MSH3: variants seen among roughly 807,000 people sequenced by gnomAD.
MSH3 encodes the protein DNA mismatch repair protein Msh3.
In MSH3, 106 loss-of-function variants were observed where a neutral mutation model predicts 123.3. The ratio of observed to expected loss-of-function variants is 0.86; its 90% confidence interval spans 0.73 to 1.01. The LOEUF is 1.01. MSH3 is among the 50% of genes least tolerant of loss of function. MSH3 has a pLI of 0.00. For missense variants in MSH3, 1,459 were observed against 1,347.6 expected (o/e 1.08, Z -1.29); for synonymous variants, 515 against 481.4 (o/e 1.07, Z -0.91).
At chr5:80,686,312 CT>C (rs1173364482) in intron 8 of MSH3, among the ~76,000 whole-genome samples, 1 of 151,620 alleles carries the variant, frequency 6.6e-6, no homozygotes, top group Non-Finnish European at 1.5e-5. Context: ...TTTTCTCTCT[CT>C]TTTTTTTGAG....
At chr5:80,843,778 A>T (rs1325169167) in intron 20 of MSH3, among the ~76,000 whole-genome samples, 1 of 151,922 alleles carries the variant, frequency 6.6e-6, no homozygotes, top group Non-Finnish European at 1.5e-5. Flanking sequence ...TATTGCGTCT[A>T]TCTGATTCTT....
intron 2 of MSH3, among the ~76,000 whole-genome samples, chr5:80,661,420 T>C (rs1025925280): frequency 2.0e-5 from 3 of 152,226 alleles, no homozygotes; most frequent in African/African-American, 7.2e-5. Context: ...TTTTCTGCTA[T>C]GTCTAATCTG....
At chr5:80,701,417 GC>G (rs1316139295) in intron 8 of MSH3, among the ~76,000 whole-genome samples, 6 of 152,176 alleles carry the variant, frequency 3.9e-5, no homozygotes, top group Non-Finnish European at 4.4e-5. Context: ...AAGTGGCAAA[GC>G]CCACTAGAGC....
chr5:80,733,503 TC>T (rs1415397760), intron 10 of MSH3, among the ~76,000 whole-genome samples: 6 of 152,054 alleles, frequency 3.9e-5, no homozygotes, highest in Non-Finnish European at 8.8e-5. Flanking sequence ...AAGCTTTTAT[TC>T]TTCAAAGAAC....
At chr5:80,766,332 T>G (rs1043984517) in intron 13 of MSH3, among the ~76,000 whole-genome samples, 1 of 149,310 alleles carries the variant, frequency 6.7e-6, no homozygotes, top group African/African-American at 2.5e-5. Flanking sequence ...TCTAGTGTGT[T>G]TTTTTCCTTT....
chr5:80,692,733 C>T (rs931150883), intron 8 of MSH3, among the ~76,000 whole-genome samples: 3 of 135,764 alleles, frequency 2.2e-5, no homozygotes, highest in Admixed American at 7.3e-5. Flanking sequence ...GATAAATATA[C>T]ATACACATGT....
In MSH3 at chr5:80,792,751, A is replaced by C; in HGVS notation, c.2562A>C (p.Glu854Asp). 6.2e-7 allele frequency: 1 copy of C among 1,612,178 alleles called. No homozygotes were observed. The highest frequency in any genetic ancestry group is 8.5e-7 in the Non-Finnish European group (1 of 1,178,468). ...GDYCRPTVQE[E>D]RKIVIKNGRH... ...TTTGCAGACCAACTGTACAAGAAGAAAGAAAAATTGTAATAAAAAATGGAA... is the reference window on the plus strand; with the variant it reads ...TTTGCAGACCAACTGTACAAGAAGACAGAAAAATTGTAATAAAAAATGGAA... Residue 854 changes from glutamate (E) to aspartate (D), a missense_variant, in exon 19 of 24, where the codon GAA becomes GAC. By Grantham distance (45) the Glu-to-Asp change is conservative. Transcript: ENST00000265081.
rs1192783960 is a variant in MSH3, at chr5:80,784,212, C to CAAAAAAA, written c.2436-3332_2436-3326dup. 2.3e-3 allele frequency among the ~76,000 whole-genome samples: 28 copies of CAAAAAAA among 11,962 alleles called. 4 individuals carry two copies. The highest frequency in any genetic ancestry group is 0.018 in the East Asian group (10 of 550). The allele number at this position is 11,962 out of a possible 152,430, so 7.8% of individuals were successfully genotyped here. On this transcript the variant is annotated intron_variant, in intron 17 of 23. Coordinates refer to ENST00000265081, the MANE Select transcript of MSH3 (RefSeq NM_002439.5). ...GCGAAAGAGCGAGACTACTACGTCG[C>CAAAAAAA]AAAAAAAAAAAAAAAAAAAAAAAAA...
intron 8 of MSH3, among the ~76,000 whole-genome samples, chr5:80,696,112 C>G (rs1181185996): frequency 1.3e-5 from 2 of 152,162 alleles, no homozygotes; most frequent in African/African-American, 4.8e-5. Flanking sequence ...CATGTGGCCT[C>G]CACTGGGCCT....
At chr5:80,873,084 C>T (rs770517890) in intron 22 of MSH3, 32 bp from the exon 23 acceptor site, 1 of 1,591,616 alleles carries the variant, frequency 6.3e-7, no homozygotes, top group East Asian at 2.2e-5. Flanking sequence ...AGCTTTCAGG[C>T]ACAGTTTTGA....
intron 21 of MSH3, among the ~76,000 whole-genome samples, chr5:80,856,539 T>C (rs1405942989): frequency 9.9e-6 from 1 of 101,210 alleles, no homozygotes; most frequent in Admixed American, 1.5e-4. Flanking sequence ...CATCACAAAC[T>C]GGGGCCTGTT....
intron 8 of MSH3, among the ~76,000 whole-genome samples, chr5:80,719,567 A>G (rs1429356570): frequency 6.6e-6 from 1 of 152,200 alleles, no homozygotes; most frequent in African/African-American, 2.4e-5. Flanking sequence ...TTCAAATATC[A>G]GGTATTTAAT....
chr5:80,663,078 T>C (rs1025298702), intron 2 of MSH3, among the ~76,000 whole-genome samples: 31 of 151,768 alleles, frequency 2.0e-4, no homozygotes, highest in Admixed American at 1.2e-3. Context: ...ATACAAAAAA[T>C]TAAAAAAAAA....
chr5:80,830,071 T>G (rs1156853857), intron 20 of MSH3, among the ~76,000 whole-genome samples: 1 of 152,194 alleles, frequency 6.6e-6, no homozygotes, highest in East Asian at 1.9e-4. Context: ...AGATCTGTGG[T>G]GATGTCTCCT....
At chr5:80,778,310 C>G (rs1367597240) in intron 16 of MSH3, among the ~76,000 whole-genome samples, 1 of 152,156 alleles carries the variant, frequency 6.6e-6, no homozygotes, top group East Asian at 1.9e-4. Flanking sequence ...ATACTTCAAT[C>G]ATACAGAAAA....
At chr5:80,818,264 C>G (rs1369677073) in intron 20 of MSH3, among the ~76,000 whole-genome samples, 1 of 151,708 alleles carries the variant, frequency 6.6e-6, no homozygotes, top group African/African-American at 2.4e-5. Context: ...GATCTAGATA[C>G]CAATTTACAA....
chr5:80,681,709 C>G (rs961294276), intron 8 of MSH3, among the ~76,000 whole-genome samples: 2 of 151,586 alleles, frequency 1.3e-5, no homozygotes, highest in Non-Finnish European at 2.9e-5. Flanking sequence ...TCAACACATT[C>G]ATTTTTTTGT....
At chr5:80,771,564 T>G (rs1398146239) in intron 15 of MSH3, among the ~76,000 whole-genome samples, 1 of 152,156 alleles carries the variant, frequency 6.6e-6, no homozygotes, top group Non-Finnish European at 1.5e-5. Context: ...AATATGATTA[T>G]CTCTGAGAAG....
intron 19 of MSH3, among the ~76,000 whole-genome samples, chr5:80,811,690 A>C (rs1398027907): frequency 6.6e-6 from 1 of 152,132 alleles, no homozygotes; most frequent in African/African-American, 2.4e-5. Flanking sequence ...TTCTTGTGGA[A>C]GGGCTTTTAC....
Sources: allele counts gnomAD v4.1 joint callset (sites outside exome capture counted in the v4.1 genomes callset), GRCh38; gene constraint gnomAD v4.1.1; transcripts MANE v1.5; gene names NCBI Gene and HGNC (gene_info 2026-07-23, HGNC 2026-07-21).